Variants in XKR9 observed in about 807,000 individuals in gnomAD.
The protein encoded by XKR9 is XK-related protein 9.
In XKR9, 32 loss-of-function variants were observed where a neutral mutation model predicts 32.0. That is an observed-to-expected ratio of 1.00 (90% CI 0.76 to 1.34). The LOEUF (loss-of-function observed/expected upper bound fraction) is 1.34, where lower values mean the gene tolerates loss of function less well. Ranked by LOEUF, XKR9 falls within the 40% of genes most tolerant of loss-of-function variation. The probability of loss-of-function intolerance (pLI) is 0.00; values close to 1 mark genes in which losing one functional copy is unlikely to be tolerated. For missense variants in XKR9, 546 were observed against 429.7 expected (o/e 1.27, Z -2.39); for synonymous variants, 168 against 143.4 (o/e 1.17, Z -1.22).
chr8:70,671,258 T>C (rs1397721300), intron 1 of XKR9, among the ~76,000 whole-genome samples: 2 of 152,208 alleles, frequency 1.3e-5, no homozygotes, highest in African/African-American at 4.8e-5. Context: ...ATATTTGTCT[T>C]TCTATGCATG....
intron 1 of XKR9, among the ~76,000 whole-genome samples, chr8:70,669,807 T>C (rs200127572): frequency 6.6e-6 from 1 of 151,472 alleles, no homozygotes; most frequent in Non-Finnish European, 1.5e-5. Flanking sequence ...GCTGGGACTA[T>C]AGGCGTCCGC....
the XKR9 span, among the ~76,000 whole-genome samples, chr8:70,800,446 C>T: frequency 6.6e-6 from 1 of 152,064 alleles, no homozygotes; most frequent in Non-Finnish European, 1.5e-5. Flanking sequence ...GGTAGCAGCT[C>T]TTTTTATACA....
At chr8:70,983,222 G>A in the XKR9 span, among the ~76,000 whole-genome samples, 1 of 152,074 alleles carries the variant, frequency 6.6e-6, no homozygotes, top group African/African-American at 2.4e-5. Context: ...CCCTTTTCTG[G>A]ACTAGTCCTT....
At chr8:71,003,030 A>C in the XKR9 span, among the ~76,000 whole-genome samples, 1 of 152,182 alleles carries the variant, frequency 6.6e-6, no homozygotes, top group African/African-American at 2.4e-5. Flanking sequence ...TTCAAAGCAA[A>C]CCCCTTCAAC....
At chr8:71,010,631 A>G in the XKR9 span, among the ~76,000 whole-genome samples, 3 of 152,156 alleles carry the variant, frequency 2.0e-5, no homozygotes, top group Non-Finnish European at 4.4e-5. Flanking sequence ...AAACAGTATC[A>G]TTACATGGAC....
At chr8:70,913,332 A>G in the XKR9 span, among the ~76,000 whole-genome samples, 1 of 152,170 alleles carries the variant, frequency 6.6e-6, no homozygotes, top group Non-Finnish European at 1.5e-5. Flanking sequence ...ATTAAGGTTG[A>G]TTTGAATAAA....
chr8:70,699,275 C>G (rs888912406), intron 3 of XKR9, among the ~76,000 whole-genome samples: 1 of 152,126 alleles, frequency 6.6e-6, no homozygotes, highest in Non-Finnish European at 1.5e-5. Context: ...TTCTTCCTAG[C>G]CTCGATGGTC....
At chr8:70,843,621 A>C in the XKR9 span, among the ~76,000 whole-genome samples, 1 of 152,190 alleles carries the variant, frequency 6.6e-6, no homozygotes, top group African/African-American at 2.4e-5. Flanking sequence ...CAAAGCAAAG[A>C]TTGGATGGGA....
At chr8:70,809,131 G>C in the XKR9 span, among the ~76,000 whole-genome samples, 1 of 152,186 alleles carries the variant, frequency 6.6e-6, no homozygotes, top group African/African-American at 2.4e-5. Context: ...AACATTTGCT[G>C]TTCACCAATA....
chr8:70,964,803 C>A, the XKR9 span, among the ~76,000 whole-genome samples: 139 of 152,204 alleles, frequency 9.1e-4, no homozygotes, highest in African/African-American at 3.1e-3. Flanking sequence ...TGATTTGTGT[C>A]CTGAAACTTC....
chr8:70,774,558 C>G (rs1807494610), intron 2 of XKR9, among the ~76,000 whole-genome samples: 1 of 152,062 alleles, frequency 6.6e-6, no homozygotes, highest in South Asian at 2.1e-4. Flanking sequence ...GATCTATAGG[C>G]CATTTGGGGT....
chr8:70,749,926 CTG>C (rs1287245837), intron 2 of XKR9, among the ~76,000 whole-genome samples: 9 of 152,084 alleles, frequency 5.9e-5, no homozygotes, highest in Non-Finnish European at 1.2e-4. Flanking sequence ...TCTACTGAGA[CTG>C]TTAAATACAA....
the XKR9 span, among the ~76,000 whole-genome samples, chr8:70,947,021 A>G: frequency 6.6e-6 from 1 of 152,204 alleles, no homozygotes; most frequent in Non-Finnish European, 1.5e-5. Flanking sequence ...GGTGCTAGAA[A>G]TCTAGGCATA....
At chr8:70,849,324 C>T in the XKR9 span, among the ~76,000 whole-genome samples, 1 of 152,154 alleles carries the variant, frequency 6.6e-6, no homozygotes, top group Non-Finnish European at 1.5e-5. Flanking sequence ...CTCAAAACTG[C>T]AAAACTACAT....
chr8:70,837,571 CT>C, the XKR9 span, among the ~76,000 whole-genome samples: 2 of 151,918 alleles, frequency 1.3e-5, no homozygotes, highest in Admixed American at 1.3e-4. Flanking sequence ...TGGCAAAAGG[CT>C]GAAAGGACAA....
At chr8:71,025,952 C>T in the XKR9 span, among the ~76,000 whole-genome samples, 1 of 152,294 alleles carries the variant, frequency 6.6e-6, no homozygotes, top group African/African-American at 2.4e-5. Context: ...GTTACTCAGC[C>T]TGGCTCAACC....
chr8:70,913,488 A>G, the XKR9 span, among the ~76,000 whole-genome samples: 1 of 152,186 alleles, frequency 6.6e-6, no homozygotes, highest in Non-Finnish European at 1.5e-5. Flanking sequence ...TTTCTAGAAG[A>G]GAAAACATGG....
the XKR9 span, among the ~76,000 whole-genome samples, chr8:70,946,478 A>G: frequency 6.6e-6 from 1 of 152,138 alleles, no homozygotes; most frequent in South Asian, 2.1e-4. Flanking sequence ...GCATACATAT[A>G]CCCTACAACA....
the XKR9 span, among the ~76,000 whole-genome samples, chr8:70,985,634 G>A: frequency 1.3e-5 from 2 of 152,142 alleles, no homozygotes; most frequent in Non-Finnish European, 2.9e-5. Context: ...TAAGGCATAT[G>A]CTACCTGAGG....
Sources: gnomAD v4.1 joint callset for allele counts (sites outside exome capture counted in the v4.1 genomes callset) on GRCh38, gnomAD v4.1.1 for gene constraint, MANE v1.5 for transcripts, NCBI Gene and HGNC (gene_info 2026-07-23, HGNC 2026-07-21) for gene names.